Variants in GALNT13 observed in about 807,000 individuals in gnomAD.
The protein encoded by GALNT13 is polypeptide N-acetylgalactosaminyltransferase 13.
GALNT13 carries 28 observed loss-of-function variants against 64.2 expected under a neutral mutation model. The ratio of observed to expected loss-of-function variants is 0.44; its 90% CI spans 0.32 to 0.60. The LOEUF (loss-of-function observed/expected upper bound fraction) is 0.60. GALNT13 is among the 20% of genes least tolerant of loss of function. The probability of loss-of-function intolerance (pLI) is 0.05; values close to 1 mark genes in which losing one functional copy is unlikely to be tolerated. For missense variants in GALNT13, 577 were observed against 669.8 expected (o/e 0.86, Z 1.53); for synonymous variants, 214 against 224.6 (o/e 0.95, Z 0.42).
the GALNT13 span, among the ~76,000 whole-genome samples, chr2:153,836,323 A>G: frequency 6.6e-5 from 10 of 152,084 alleles, no homozygotes; most frequent in Non-Finnish European, 8.8e-5. Context: ...TACAATTGCC[A>G]TTGTTTTCTT....
At chr2:153,578,454 G>A in the GALNT13 span, among the ~76,000 whole-genome samples, 1 of 152,128 alleles carries the variant, frequency 6.6e-6, no homozygotes, top group African/African-American at 2.4e-5. Flanking sequence ...GAAAAATGAT[G>A]CATTGCTTTT....
the GALNT13 span, among the ~76,000 whole-genome samples, chr2:153,624,718 C>T: frequency 6.6e-6 from 1 of 151,730 alleles, no homozygotes; most frequent in African/African-American, 2.4e-5. Flanking sequence ...AGCTTTCAAA[C>T]CTTGTGGTCT....
At chr2:153,244,497 C>T in the GALNT13 span, among the ~76,000 whole-genome samples, 5 of 152,112 alleles carry the variant, frequency 3.3e-5, no homozygotes, top group Admixed American at 6.5e-5. Context: ...GTACAACCCA[C>T]GGAGTGTGAG....
At chr2:153,219,155 G>T in the GALNT13 span, among the ~76,000 whole-genome samples, 1 of 152,160 alleles carries the variant, frequency 6.6e-6, no homozygotes, top group African/African-American at 2.4e-5. Context: ...ATTCATCAGG[G>T]AATTTATTCC....
At chr2:153,179,353 A>G in the GALNT13 span, among the ~76,000 whole-genome samples, 1 of 152,226 alleles carries the variant, frequency 6.6e-6, no homozygotes, top group Non-Finnish European at 1.5e-5. Context: ...TTGAAAATCA[A>G]TTGATCAGAG....
the GALNT13 span, among the ~76,000 whole-genome samples, chr2:153,509,802 C>T: frequency 8.7e-4 from 132 of 152,248 alleles, 1 homozygote; most frequent in African/African-American, 3.1e-3. Flanking sequence ...TAGCAGAAGG[C>T]CTTTTATGTT....
At chr2:153,345,710 TCTCTTTCTG>T in the GALNT13 span, among the ~76,000 whole-genome samples, 27 of 94,612 alleles carry the variant, frequency 2.9e-4, 1 homozygote, top group East Asian at 1.1e-3. Context: ...TTTCTCTTTC[TCTCTTTCTG>T]TCCTTCCTTC....
the GALNT13 span, among the ~76,000 whole-genome samples, chr2:153,859,079 T>C: frequency 3.9e-4 from 60 of 152,224 alleles, no homozygotes; most frequent in African/African-American, 1.3e-3. Flanking sequence ...CTAGCTGCAG[T>C]TTCACGCAAC....
intron 3 of GALNT13, among the ~76,000 whole-genome samples, chr2:154,076,946 G>T (rs1701019760): frequency 6.6e-6 from 1 of 151,536 alleles, no homozygotes; most frequent in African/African-American, 2.4e-5. Flanking sequence ...ATTAACGTTT[G>T]CAGCATTTCC....
the GALNT13 span, among the ~76,000 whole-genome samples, chr2:153,390,968 G>A: frequency 6.6e-6 from 1 of 152,054 alleles, no homozygotes. Flanking sequence ...AATTGGGAGG[G>A]CCAGGATTGG....
At chr2:153,972,827 T>A (rs1693832291) in intron 3 of GALNT13, among the ~76,000 whole-genome samples, 1 of 152,070 alleles carries the variant, frequency 6.6e-6, no homozygotes, top group Admixed American at 6.6e-5. Flanking sequence ...ATTTAGGTAA[T>A]TCAGGATAAC....
rs752914094 is a variant in GALNT13, at chr2:154,140,482, T to C, written c.288T>C (p.Ser96=). 223 of 1,610,446 alleles carry C rather than the reference T, an allele frequency of 1.4e-4. No homozygotes were observed. Among genetic ancestry groups the C allele is most frequent in the Non-Finnish European group, 1.7e-4 (197 of 1,177,756 alleles). The change falls in exon 4 of 13, where the codon AGT becomes AGC. Residue 96 remains serine, a synonymous_variant. Coordinates refer to ENST00000392825, the MANE Select transcript of GALNT13 (RefSeq NM_052917.4). ...GTGATTTGATTGCCCTTAATAGAAGTCTGCCAGATGTAAGATTAGAAGGGT... is the reference window on the plus strand; with the variant it reads ...GTGATTTGATTGCCCTTAATAGAAGCCTGCCAGATGTAAGATTAGAAGGGT... ...MASDLIALNR[S]LPDVRLEGCK... is the part of the protein sequence containing the mutation.
At chr2:153,856,918 T>C in the GALNT13 span, among the ~76,000 whole-genome samples, 1 of 152,170 alleles carries the variant, frequency 6.6e-6, no homozygotes, top group African/African-American at 2.4e-5. Flanking sequence ...TATGGGATAG[T>C]ATACTGCACT....
At chr2:154,052,888 C>T (rs1414708401) in intron 3 of GALNT13, among the ~76,000 whole-genome samples, 1 of 151,966 alleles carries the variant, frequency 6.6e-6, no homozygotes, top group Admixed American at 6.6e-5. Flanking sequence ...AGGCGCCCGC[C>T]ACCATGCCCG....
At chr2:153,355,028 G>A in the GALNT13 span, among the ~76,000 whole-genome samples, 5 of 152,020 alleles carry the variant, frequency 3.3e-5, no homozygotes, top group East Asian at 9.7e-4. Flanking sequence ...CCCAATCTAG[G>A]GCATCAAATC....
At chr2:154,273,079 T>C (rs1483601424) in intron 8 of GALNT13, among the ~76,000 whole-genome samples, 2 of 152,178 alleles carry the variant, frequency 1.3e-5, no homozygotes, top group Non-Finnish European at 2.9e-5. Context: ...CTAGAACTTA[T>C]GCTAGAGGGA....
chr2:153,179,639 G>T, the GALNT13 span, among the ~76,000 whole-genome samples: 1 of 152,030 alleles, frequency 6.6e-6, no homozygotes, highest in South Asian at 2.1e-4. Context: ...TGATCACTGT[G>T]CCTAGGATGG....
intron 3 of GALNT13, among the ~76,000 whole-genome samples, chr2:153,970,178 A>C (rs1268857312): frequency 1.3e-5 from 2 of 152,200 alleles, no homozygotes; most frequent in South Asian, 2.1e-4. Context: ...TTTCTTTTGT[A>C]AAGATACTCC....
the GALNT13 span, among the ~76,000 whole-genome samples, chr2:153,756,600 T>C: frequency 6.6e-6 from 1 of 152,138 alleles, no homozygotes; most frequent in Non-Finnish European, 1.5e-5. Flanking sequence ...CCTTATTTTA[T>C]TTCTACTCAT....
Sources: gnomAD v4.1 joint callset for allele counts (sites outside exome capture counted in the v4.1 genomes callset) on GRCh38, gnomAD v4.1.1 for gene constraint, MANE v1.5 for transcripts, NCBI Gene and HGNC (gene_info 2026-07-23, HGNC 2026-07-21) for gene names.